Variants in PCDHGC3 observed in about 807,000 individuals in gnomAD.
The protein encoded by PCDHGC3 is protocadherin gamma subfamily C, 3, also known as protocadherin gamma-C3.
PCDHGC3 carries 26 observed loss-of-function variants against 59.2 expected under a neutral mutation model. The observed-to-expected ratio is 0.44, with a 90% CI of 0.32 to 0.61. The LOEUF (loss-of-function observed/expected upper bound fraction) is 0.61. PCDHGC3 is among the 20% of genes least tolerant of loss of function. The pLI, the probability that PCDHGC3 is intolerant of heterozygous loss-of-function variation, is 0.05. For missense variants in PCDHGC3, 1,080 were observed against 1,221.8 expected (o/e 0.88, Z 1.73); for synonymous variants, 487 against 519.7 (o/e 0.94, Z 0.86).
chr5:141,489,942 C>T lies in PCDHGC3; in HGVS notation c.2431-4865C>T. On this transcript the variant is annotated intron_variant, in intron 1 of 3. Transcript: ENST00000308177. The surrounding 1 kb of genome is among the most constrained non-coding windows in gnomAD (Gnocchi z 4.5). ...CCCTTATCTCTGTCATCGTGCTGGA[C>T]ATCAATGATAATGCTCCAACCTTCC... 2 of 1,614,170 alleles carry T rather than the reference C, an allele frequency of 1.2e-6. No homozygotes were observed. The highest frequency in any genetic ancestry group is 1.7e-6 in the Non-Finnish European group (2 of 1,179,984).
At chr5:141,510,677 A>G (rs2099882239) in intron 3 of PCDHGC3, among the ~76,000 whole-genome samples, 2 of 152,212 alleles carry the variant, frequency 1.3e-5, no homozygotes, top group African/African-American at 4.8e-5. Context: ...CTGAAGTGGC[A>G]TAAGGAGGTT....
At position 141,491,098 on chromosome 5, in the gene PCDHGC3, C is replaced by A. The variant is rs1283499077; in HGVS notation, c.2431-3709C>A. ...ACAGTCCACAGCCCCAGGACTGTTC[C>A]TCGTGTCTACACACACTGGTGAGGT... On this transcript the variant is annotated intron_variant, in intron 1 of 3. Coordinates refer to ENST00000308177, the MANE Select transcript of PCDHGC3 (RefSeq NM_002588.4). This position sits in a 1 kb window ranked among gnomAD's most constrained non-coding sequence, Gnocchi z 6.9. 6.2e-7 allele frequency: 1 copy of A among 1,614,216 alleles called. No individual in the cohort carries two copies. Among genetic ancestry groups the A allele is most frequent in the Non-Finnish European group, 8.5e-7 (1 of 1,180,038 alleles).
intron 2 of PCDHGC3, among the ~76,000 whole-genome samples, chr5:141,504,802 C>G (rs370355030): frequency 6.6e-6 from 1 of 152,030 alleles, no homozygotes; most frequent in East Asian, 1.9e-4. Context: ...ACATCTCCCC[C>G]TAGGTACCTC....
chr5:141,476,565 C>T lies in PCDHGC3; in HGVS notation c.449C>T (p.Pro150Leu). 6.2e-7 allele frequency: 1 copy of T among 1,614,184 alleles called. No individual in the cohort carries two copies. Among genetic ancestry groups the T allele is most frequent in the Non-Finnish European group, 8.5e-7 (1 of 1,180,034 alleles). Residue 150 changes from proline to leucine, a missense_variant, in exon 1 of 4, where the codon CCG becomes CTG. Physicochemically the swap from Pro to Leu is moderately conservative, Grantham distance 98. Coordinates refer to ENST00000308177, the MANE Select transcript of PCDHGC3 (RefSeq NM_002588.4). This position sits in a 1 kb window ranked among gnomAD's most constrained non-coding sequence, Gnocchi z 7.6. ...TTGGAGATTAGCGAGGCCGTGGCTC[C>T]GGGGACGCGCTTTCCGCTCGAGAGC... ...MKLEISEAVA[P>L]GTRFPLESAH...
intron 1 of PCDHGC3, among the ~76,000 whole-genome samples, chr5:141,480,949 G>A (rs949853273): frequency 2.0e-4 from 30 of 152,136 alleles, no homozygotes; most frequent in African/African-American, 4.6e-4. Flanking sequence ...AGAGGCTGAG[G>A]CGGAAGCATC....
chr5:141,477,778 C>A lies in PCDHGC3; in HGVS notation c.1662C>A (p.Asn554Lys). ...TPVLATNISV[N>K]IFVTDRNDNA... is the part of the protein sequence containing the mutation. The stretch of plus-strand genomic sequence containing the variant: ...TCCTAGCCACCAACATCAGCGTGAA[C>A]ATATTTGTCACTGATCGCAATGACA... Residue 554 changes from asparagine to lysine, a missense_variant, in exon 1 of 4, where the codon AAC (asparagine) becomes AAA (lysine). Physicochemically the swap from Asn to Lys is moderately conservative, Grantham distance 94 (BLOSUM62 0). Coordinates refer to ENST00000308177, the MANE Select transcript of PCDHGC3 (RefSeq NM_002588.4). The surrounding 1 kb of genome is among the most constrained non-coding windows in gnomAD (Gnocchi z 4.9). The A allele has an allele frequency of 6.2e-7, 1 of 1,614,052 alleles. No individual in the cohort carries two copies. The highest frequency in any genetic ancestry group is 8.5e-7 in the Non-Finnish European group (1 of 1,180,040).
rs756706355 is a variant in PCDHGC3 at position 141,486,950 on chromosome 5, G to A, written c.2431-7857G>A. On this transcript the variant is annotated intron_variant, in intron 1 of 3. Transcript: ENST00000308177. This position sits in a 1 kb window ranked among gnomAD's most constrained non-coding sequence, Gnocchi z 5.0. The stretch of plus-strand genomic sequence containing the variant: ...TGGTGCTGGCCACCTAATCACAAAG[G>A]TGACTGCTGTGGACTTGGATTCAGG... 2 of 1,614,202 alleles carry A rather than the reference G, an allele frequency of 1.2e-6. No homozygotes were observed. The highest frequency in any genetic ancestry group is 1.7e-6 in the Non-Finnish European group (2 of 1,180,044).
chr5:141,488,312 A>G lies in PCDHGC3; in HGVS notation c.2431-6495A>G, dbSNP rs952247975. 7.9e-5 allele frequency among the ~76,000 whole-genome samples: 12 copies of G among 152,286 alleles called. 1 individual carries two copies. Among genetic ancestry groups the G allele is most frequent in the African/African-American group, 2.9e-4 (12 of 41,558 alleles). On this transcript the variant is annotated intron_variant, in intron 1 of 3. Coordinates refer to ENST00000308177, the MANE Select transcript of PCDHGC3 (RefSeq NM_002588.4). ...AGTAAGTGAAATCACTTATGTCAGA[A>G]AACTGGTTTACAGTTGGCTGATTCA...
chr5:141,484,333 A>T (rs1019527273), intron 1 of PCDHGC3, among the ~76,000 whole-genome samples: 2 of 152,198 alleles, frequency 1.3e-5, no homozygotes, highest in Non-Finnish European at 2.9e-5. Flanking sequence ...CCTTGAAATC[A>T]ATGAATGGTA....
chr5:141,487,377 C>T lies in PCDHGC3; in HGVS notation c.2431-7430C>T, dbSNP rs758216933. Reference sequence around the variant, plus strand: ...CCTGCTGGCACCTGTGCCTGTCTCACCAGATCTCGAAGGAGGGAGGGGCTT... The same window carrying T: ...CCTGCTGGCACCTGTGCCTGTCTCATCAGATCTCGAAGGAGGGAGGGGCTT... On this transcript the variant is annotated intron_variant, in intron 1 of 3. Transcript: ENST00000308177. The surrounding 1 kb of genome is among the most constrained non-coding windows in gnomAD (Gnocchi z 5.0). 6.2e-7 allele frequency: 1 copy of T among 1,614,190 alleles called. No homozygotes were observed. Among genetic ancestry groups the T allele is most frequent in the Non-Finnish European group, 8.5e-7 (1 of 1,180,034 alleles).
chr5:141,490,419 G>T lies in PCDHGC3; in HGVS notation c.2431-4388G>T, dbSNP rs1424302713. ...TGAGCCTTGATATCTCTCCGGACCT[G>T]CCATTTCAGATTAAGCCTTCTGAGA... is the stretch of plus-strand genomic sequence containing the variant. On this transcript the variant is annotated intron_variant, in intron 1 of 3. Transcript: ENST00000308177. The surrounding 1 kb of genome is among the most constrained non-coding windows in gnomAD (Gnocchi z 5.4). The T allele has an allele frequency of 6.2e-7, 1 of 1,614,170 alleles. No homozygotes were observed. The highest frequency in any genetic ancestry group is 8.5e-7 in the Non-Finnish European group (1 of 1,180,020).
At chr5:141,478,720 G>T (rs2154576937) in intron 1 of PCDHGC3, 174 bp downstream of exon 1, 1 of 1,543,694 alleles carries the variant, frequency 6.5e-7, no homozygotes, top group Admixed American at 2.0e-5. Context: ...ATGGTGGCCT[G>T]CCAGAGTGTG....
In PCDHGC3 at chr5:141,511,197, C is replaced by A; in HGVS notation, c.*24C>A. 1 of 1,613,140 alleles carries A rather than the reference C, an allele frequency of 6.2e-7. No individual in the cohort carries two copies. Among genetic ancestry groups the A allele is most frequent in the Non-Finnish European group, 8.5e-7 (1 of 1,179,524 alleles). Reference sequence around the variant, plus strand: ...AACATGGAGGCCAGGCCAAGAGCCACAGGGCGGCCTCTCCCCAACCAGCCC... The same window carrying A: ...AACATGGAGGCCAGGCCAAGAGCCAAAGGGCGGCCTCTCCCCAACCAGCCC... On this transcript the variant is annotated 3_prime_UTR_variant, in exon 4 of 4. Transcript: ENST00000308177.
Position 141,489,400 on chromosome 5 carries a change from T to A in PCDHGC3, c.2431-5407T>A. 6.2e-7 allele frequency: 1 copy of A among 1,614,134 alleles called. No individual in the cohort carries two copies. Among genetic ancestry groups the A allele is most frequent in the Non-Finnish European group, 8.5e-7 (1 of 1,180,020 alleles). On this transcript the variant is annotated intron_variant, in intron 1 of 3. Transcript: ENST00000308177. This position sits in a 1 kb window ranked among gnomAD's most constrained non-coding sequence, Gnocchi z 4.5. ...GGGGAATGTTGCTCAGGATCTGGGC[T>A]TAAAGATGACAGATCTGTTGAGCCG...
At chr5:141,501,326 CACACACA>C (rs1562200783) in intron 2 of PCDHGC3, among the ~76,000 whole-genome samples, 10 of 151,784 alleles carry the variant, frequency 6.6e-5, no homozygotes, top group African/African-American at 1.9e-4. Flanking sequence ...CACACACACA[CACACACA>C]CCCCAAACTC....
At position 141,491,587 on chromosome 5, in the gene PCDHGC3, G is replaced by A. The variant is rs1177701526; in HGVS notation, c.2431-3220G>A. 1.2e-6 allele frequency: 2 copies of A among 1,613,834 alleles called. No individual in the cohort carries two copies. Among genetic ancestry groups the A allele is most frequent in the African/African-American group, 2.7e-5 (2 of 74,926 alleles). On this transcript the variant is annotated intron_variant, in intron 1 of 3. Coordinates refer to ENST00000308177, the MANE Select transcript of PCDHGC3 (RefSeq NM_002588.4). The surrounding 1 kb of genome is among the most constrained non-coding windows in gnomAD (Gnocchi z 6.9). ...CAGGACGTGCTTTTCACCGGCCTCG[G>A]ACGGCAGTGACTTCACTTTTCTAAG...
intron 1 of PCDHGC3, among the ~76,000 whole-genome samples, chr5:141,484,752 A>G (rs181317421): frequency 6.6e-5 from 10 of 151,098 alleles, no homozygotes; most frequent in Admixed American, 3.3e-4. Context: ...AAAAAAATGT[A>G]TATATATATA....
rs11953770 is a variant in PCDHGC3 at position 141,510,741 on chromosome 5, C to T, written c.2579-206C>T. On this transcript the variant is annotated intron_variant, in intron 3 of 3. Coordinates refer to ENST00000308177, the MANE Select transcript of PCDHGC3 (RefSeq NM_002588.4). ...TAAGGAAAGGAGCTAGGAATCAAACCTAGACTTTCTCACTCCAGAGCCTCT... is the reference window on the plus strand; with the variant it reads ...TAAGGAAAGGAGCTAGGAATCAAACTTAGACTTTCTCACTCCAGAGCCTCT... Among the ~76,000 whole-genome samples the T allele has an allele frequency of 2.6e-5, 4 of 152,138 alleles. No homozygotes were observed. In the South Asian group the frequency reaches 8.3e-4, roughly 32 times the overall value.
At position 141,511,146 on chromosome 5, in the gene PCDHGC3, G is replaced by T; in HGVS notation, c.2778G>T (p.Lys926Asn). 1 of 1,614,208 alleles carries T rather than the reference G, an allele frequency of 6.2e-7. No individual in the cohort carries two copies. Among genetic ancestry groups the T allele is most frequent in the Non-Finnish European group, 8.5e-7 (1 of 1,180,018 alleles). The change falls in exon 4 of 4, where the codon AAG becomes AAT. Residue 926 changes from lysine to asparagine, a missense_variant. Lys to Asn is a moderately conservative substitution (Grantham distance 94). Coordinates refer to ENST00000308177, the MANE Select transcript of PCDHGC3 (RefSeq NM_002588.4). Reference protein sequence around the residue: ...KAPAGGNGNKKKSGKKEKK With the variant: ...KAPAGGNGNKNKSGKKEKK The stretch of plus-strand genomic sequence containing the variant: ...CAGCAGGTGGCAATGGCAACAAGAA[G>T]AAGTCGGGCAAGAAGGAGAAGAAGT...
Sources: gnomAD v4.1 joint callset for allele counts (sites outside exome capture counted in the v4.1 genomes callset) on GRCh38, gnomAD v4.1.1 for gene constraint, Gnocchi (gnomAD v3.1) non-coding constraint, MANE v1.5 for transcripts, NCBI Gene and HGNC (gene_info 2026-07-23, HGNC 2026-07-21) for gene names.